The following PTPRT variants were observed in gnomAD, a reference collection of about 807,000 sequenced individuals.
The protein encoded by PTPRT is receptor-type tyrosine-protein phosphatase T.
A neutral mutation model predicts 176.8 loss-of-function variants in PTPRT; 56 were observed. The observed-to-expected ratio is 0.32, with a 90% CI of 0.26 to 0.40. The LOEUF is 0.40. Ranked by LOEUF, PTPRT falls within the 10% of genes least tolerant of loss-of-function variation. The pLI, the probability that PTPRT is intolerant of heterozygous loss-of-function variation, is 1.00. For missense variants in PTPRT, 1,540 were observed against 1,908.2 expected (o/e 0.81, Z 3.60); for synonymous variants, 783 against 739.0 (o/e 1.06, Z -0.96).
At chr20:42,042,140 C>G in the PTPRT span, among the ~76,000 whole-genome samples, 1 of 152,282 alleles carries the variant, frequency 6.6e-6, no homozygotes, top group East Asian at 1.9e-4. Context: ...CTTCAGAGAT[C>G]ATTTGAAAGG....
At chr20:42,916,397 C>T (rs867626160) in intron 1 of PTPRT, among the ~76,000 whole-genome samples, 1 of 152,140 alleles carries the variant, frequency 6.6e-6, no homozygotes, top group African/African-American at 2.4e-5. Flanking sequence ...CAAGTCTTTG[C>T]TATTGTGAAT....
chr20:43,044,235 G>T (rs956845931), intron 1 of PTPRT, among the ~76,000 whole-genome samples: 6 of 152,104 alleles, frequency 3.9e-5, no homozygotes, highest in African/African-American at 1.4e-4. Flanking sequence ...CAGGTGGGCA[G>T]GGGCTGGGAG....
At chr20:42,620,935 G>C (rs76779264) in intron 7 of PTPRT, among the ~76,000 whole-genome samples, 7 of 152,186 alleles carry the variant, frequency 4.6e-5, no homozygotes, top group East Asian at 3.9e-4. Flanking sequence ...TAGACCGGAG[G>C]TGTTCCTATT....
chr20:42,387,041 T>A lies in PTPRT; in HGVS notation c.1561-34756A>T, dbSNP rs147947741. Reference sequence around the variant, plus strand: ...CTAAGTTCCTTTTTTTGCTCCAGATTTCAGGATTCTAAGCACACAAATTAA... The same window carrying A: ...CTAAGTTCCTTTTTTTGCTCCAGATATCAGGATTCTAAGCACACAAATTAA... On this transcript the variant is annotated intron_variant, in intron 9 of 30. Coordinates refer to ENST00000373187, the MANE Select transcript of PTPRT (RefSeq NM_007050.6). Among the ~76,000 whole-genome samples, 927 of 152,288 alleles carry A rather than the reference T, an allele frequency of 6.1e-3. 12 individuals carry two copies. The highest frequency in any genetic ancestry group is 0.021 in the African/African-American group (883 of 41,556).
chr20:42,812,863 G>T (rs2077720596), intron 2 of PTPRT, among the ~76,000 whole-genome samples: 1 of 151,882 alleles, frequency 6.6e-6, no homozygotes, highest in South Asian at 2.1e-4. Flanking sequence ...TGTTATTGTT[G>T]TTATACTAAG....
intron 2 of PTPRT, among the ~76,000 whole-genome samples, chr20:42,799,345 T>A (rs77257209): frequency 0.016 from 2,467 of 152,252 alleles, 70 homozygotes; most frequent in African/African-American, 0.057. Flanking sequence ...GCATCCCTCC[T>A]GACCTCCCAA....
At chr20:42,310,933 T>A (rs1394720301) in intron 12 of PTPRT, among the ~76,000 whole-genome samples, 3 of 152,158 alleles carry the variant, frequency 2.0e-5, no homozygotes, top group African/African-American at 7.2e-5. Flanking sequence ...GAGCAACATA[T>A]CTTATAGTGC....
chr20:42,154,192 C>T (rs1382444322), intron 17 of PTPRT, among the ~76,000 whole-genome samples: 1 of 152,194 alleles, frequency 6.6e-6, no homozygotes, highest in East Asian at 1.9e-4. Flanking sequence ...AATTGAGGAG[C>T]TGAACCAGAA....
chr20:42,697,583 A>T (rs1184416915), intron 6 of PTPRT, among the ~76,000 whole-genome samples: 12 of 152,254 alleles, frequency 7.9e-5, no homozygotes, highest in Admixed American at 7.9e-4. Context: ...GGGTCTTCAC[A>T]CACACAGCAA....
At chr20:43,186,334 C>A (rs536851275) in intron 1 of PTPRT, among the ~76,000 whole-genome samples, 1 of 152,322 alleles carries the variant, frequency 6.6e-6, no homozygotes, top group East Asian at 1.9e-4. Flanking sequence ...AGTTAAATTC[C>A]CCTGCGCCCA....
intron 13 of PTPRT, among the ~76,000 whole-genome samples, chr20:42,278,432 T>C (rs1568733483): frequency 6.6e-6 from 1 of 151,294 alleles, no homozygotes; most frequent in Non-Finnish European, 1.5e-5. Flanking sequence ...AATAAAAGGA[T>C]AGAAGCTTAG....
At chr20:42,677,685 C>T (rs1015294857) in intron 7 of PTPRT, among the ~76,000 whole-genome samples, 181 bp downstream of exon 7, 1 of 151,976 alleles carries the variant, frequency 6.6e-6, no homozygotes, top group African/African-American at 2.4e-5. Flanking sequence ...GCAAGAAGGT[C>T]CTCTAAAAAA....
chr20:42,684,666 G>C (rs1300595963), intron 6 of PTPRT, among the ~76,000 whole-genome samples: 2 of 152,206 alleles, frequency 1.3e-5, no homozygotes, highest in Admixed American at 6.5e-5. Context: ...GAAGAGCACA[G>C]TGGGTTCCAG....
At chr20:42,351,916 C>T (rs1191699149) in intron 10 of PTPRT, among the ~76,000 whole-genome samples, 168 bp downstream of exon 10, 1 of 152,210 alleles carries the variant, frequency 6.6e-6, no homozygotes, top group Non-Finnish European at 1.5e-5. Flanking sequence ...AAGTTCATCA[C>T]TTAGATTTTC....
In PTPRT at chr20:42,634,020, ATAATATAT is replaced by A. The variant is rs1569038430; in HGVS notation, c.1153+43838_1153+43845del. ...TATATTATATATATATAATATATAT[ATAATATAT>A]ATATTATATATATTATATATATATT... On this transcript the variant is annotated intron_variant, in intron 7 of 30. Coordinates refer to ENST00000373187, the MANE Select transcript of PTPRT (RefSeq NM_007050.6). Among the ~76,000 whole-genome samples, 68 of 28,146 alleles carry A rather than the reference ATAATATAT, an allele frequency of 2.4e-3. 1 individual carries two copies. The highest frequency in any genetic ancestry group is 0.012 in the African/African-American group (64 of 5,424). 18.5% of individuals were successfully genotyped at this position (28,146 alleles called of 152,430 possible). A position where few individuals can be genotyped will look rare whatever the true frequency, so the allele number is the denominator to read the frequency against.
rs540948757 is a variant in PTPRT at position 42,338,224 on chromosome 20, T to G, written c.1865+12404A>C. On this transcript the variant is annotated intron_variant, in intron 11 of 30. Coordinates refer to ENST00000373187, the MANE Select transcript of PTPRT (RefSeq NM_007050.6). ...CATTAACATGTTTCTGTAATTTATATACCTGCAGTATAATTAAGCCTGGGA... is the reference window on the plus strand; with the variant it reads ...CATTAACATGTTTCTGTAATTTATAGACCTGCAGTATAATTAAGCCTGGGA... Among the ~76,000 whole-genome samples the G allele has an allele frequency of 7.9e-5, 12 of 152,358 alleles. No homozygotes were observed. In the South Asian group the frequency reaches 2.5e-3, roughly 32 times the overall value.
At chr20:42,937,203 T>C (rs1568688981) in intron 1 of PTPRT, among the ~76,000 whole-genome samples, 1 of 152,228 alleles carries the variant, frequency 6.6e-6, no homozygotes, top group Non-Finnish European at 1.5e-5. Flanking sequence ...GCATTTAATG[T>C]GCAGCTATTA....
At chr20:42,352,039 G>T (rs1225936339) in intron 10 of PTPRT, 45 bp downstream of exon 10, 5 of 1,571,096 alleles carry the variant, frequency 3.2e-6, no homozygotes, top group African/African-American at 1.4e-5. Context: ...TCAGGAAGTG[G>T]GGGTGAAACA....
chr20:43,029,681 T>C (rs566131593), intron 1 of PTPRT, among the ~76,000 whole-genome samples: 2 of 152,354 alleles, frequency 1.3e-5, no homozygotes, highest in South Asian at 2.1e-4. Flanking sequence ...TGGAGGAAGA[T>C]TATATATCCC....
Sources: allele counts gnomAD v4.1 joint callset (sites outside exome capture counted in the v4.1 genomes callset), GRCh38; gene constraint gnomAD v4.1.1; transcripts MANE v1.5; gene names NCBI Gene and HGNC (gene_info 2026-07-23, HGNC 2026-07-21).